ZNF473: variants seen among roughly 807,000 people sequenced by gnomAD.
ZNF473 encodes zinc finger protein 100 homolog.
A neutral mutation model predicts 11.1 loss-of-function variants in ZNF473; 4 were observed. The ratio of observed to expected loss-of-function variants is 0.36; its 90% CI spans 0.18 to 0.82. The LOEUF (loss-of-function observed/expected upper bound fraction) is 0.82. Ranked by LOEUF, ZNF473 falls within the 40% of genes least tolerant of loss-of-function variation. ZNF473 has a pLI of 0.49. For synonymous variants in ZNF473, 404 were observed against 390.4 expected, an observed-to-expected ratio of 1.03 and a Z score of -0.41; for missense variants, 854 against 1,084.0, an observed-to-expected ratio of 0.79 and a Z score of 2.98.
rs1379211662 is a variant in ZNF473, at chr19:50,045,896, A to G, written c.1453A>G (p.Lys485Glu). 4 of 1,614,034 alleles carry G rather than the reference A, an allele frequency of 2.5e-6. No homozygotes were observed. Residue 485 changes from lysine (K) to glutamate (E), a missense_variant, in exon 5 of 5, where the codon AAG becomes GAG. This residue lies in a region of ZNF473 where 668 missense variants were observed against 790.2 expected (regional missense o/e 0.85). Coordinates refer to ENST00000270617, the MANE Select transcript of ZNF473 (RefSeq NM_015428.4). ...ACATCAGGCCATTCACACCGCAGAA[A>G]AGCCCTATAGCTGTGCTGAATGCAA... Reference protein sequence around the residue: ...MRHQAIHTAEKPYSCAECKET... With the variant: ...MRHQAIHTAEEPYSCAECKET...
At chr19:50,040,363 T>C (rs1978700996) in intron 3 of ZNF473, among the ~76,000 whole-genome samples, 1 of 152,222 alleles carries the variant, frequency 6.6e-6, no homozygotes, top group Non-Finnish European at 1.5e-5. Context: ...GCCAGGGTTT[T>C]TACTGGGGGC....
In ZNF473 at chr19:50,039,346, T is replaced by G; in HGVS notation, c.136+59T>G. The G allele has an allele frequency of 6.2e-7, 1 of 1,602,092 alleles. No homozygotes were observed. The highest frequency in any genetic ancestry group is 8.5e-7 in the Non-Finnish European group (1 of 1,172,082). ...TGCCCTGCTTGGTGATCACCCATGC[T>G]CTCTACCACCCACAGGGTGAAGTCC... On this transcript the variant is annotated intron_variant, in intron 3 of 4. Transcript: ENST00000270617. This position sits in a 1 kb window ranked among gnomAD's most constrained non-coding sequence, Gnocchi z 4.8.
At chr19:50,033,336 A>G (rs1166008858) in intron 2 of ZNF473, among the ~76,000 whole-genome samples, 1 of 152,134 alleles carries the variant, frequency 6.6e-6, no homozygotes, top group Non-Finnish European at 1.5e-5. Flanking sequence ...TGGCTGGAGC[A>G]GAGTGGATGA....
intron 2 of ZNF473, among the ~76,000 whole-genome samples, chr19:50,038,185 AT>A (rs1396446501): frequency 5.1e-5 from 7 of 136,548 alleles, no homozygotes; most frequent in African/African-American, 2.3e-4. Flanking sequence ...AATTTTATAA[AT>A]TTATAAATTT....
chr19:50,045,221 A>G lies in ZNF473; in HGVS notation c.778A>G (p.Thr260Ala), dbSNP rs766925763. 19 of 1,614,070 alleles carry G rather than the reference A, an allele frequency of 1.2e-5. No homozygotes were observed. Among genetic ancestry groups the G allele is most frequent in the Non-Finnish European group, 1.6e-5 (19 of 1,180,050 alleles). The change falls in exon 5 of 5, where the codon ACG (threonine) becomes GCG (alanine). Residue 260 changes from threonine to alanine, a missense_variant. Physicochemically the swap from Thr to Ala is moderately conservative, Grantham distance 58. Transcript: ENST00000270617. ...CCTTTCTGTGTATCCGAAAACTCAC[A>G]CGGGCTACAAATTCTATGTGTGTAA... ...ASLSVYPKTH[T>A]GYKFYVCNEY...
In ZNF473 at chr19:50,039,300, T is replaced by C; in HGVS notation, c.136+13T>C. The C allele has an allele frequency of 6.2e-7, 1 of 1,613,748 alleles. No homozygotes were observed. The highest frequency in any genetic ancestry group is 8.5e-7 in the Non-Finnish European group (1 of 1,179,724). ...CTCTTCCTGCTGGGTGAGTGTTGCC[T>C]GTCCCCAGGGGCCTACTCACTGCCC... On this transcript the variant is annotated intron_variant, in intron 3 of 4. Coordinates refer to ENST00000270617, the MANE Select transcript of ZNF473 (RefSeq NM_015428.4). This position sits in a 1 kb window ranked among gnomAD's most constrained non-coding sequence, Gnocchi z 4.8.
At position 50,048,495 on chromosome 19, in the gene ZNF473, G is replaced by A. The variant is rs1979268952; in HGVS notation, c.*1436G>A. 6.6e-6 allele frequency: 1 copy of A among 152,176 alleles called. No homozygotes were observed. Among genetic ancestry groups the A allele is most frequent in the South Asian group, 2.1e-4 (1 of 4,826 alleles). The allele number at this position is 152,176 out of a possible 1,614,324, so 9.4% of individuals were successfully genotyped here. On this transcript the variant is annotated 3_prime_UTR_variant, in exon 5 of 5. Coordinates refer to ENST00000270617, the MANE Select transcript of ZNF473 (RefSeq NM_015428.4). ...TGGGAACCTGTTGGCTAACCATTGG[G>A]GCCTTACACTGTTTTTCAAATGGTT... is the stretch of plus-strand genomic sequence containing the variant.
chr19:50,038,273 T>G (rs1978580055), intron 2 of ZNF473, among the ~76,000 whole-genome samples: 1 of 150,540 alleles, frequency 6.6e-6, no homozygotes, highest in South Asian at 2.1e-4. Flanking sequence ...TAATAAACAC[T>G]TATTAACTAG....
At chr19:50,028,746 T>C (rs1254772423) in intron 1 of ZNF473, among the ~76,000 whole-genome samples, 1 of 152,174 alleles carries the variant, frequency 6.6e-6, no homozygotes, top group Non-Finnish European at 1.5e-5. Flanking sequence ...TTCCCAATTT[T>C]CAAGTTTGAG....
At chr19:50,035,824 G>A (rs1363390799) in intron 2 of ZNF473, among the ~76,000 whole-genome samples, 1 of 152,102 alleles carries the variant, frequency 6.6e-6, no homozygotes, top group Non-Finnish European at 1.5e-5. Context: ...AGTAGAACTA[G>A]AATTTGAACT....
intron 2 of ZNF473, among the ~76,000 whole-genome samples, chr19:50,031,485 G>C (rs531226924): frequency 1.6e-3 from 251 of 152,224 alleles, no homozygotes; most frequent in African/African-American, 5.5e-3. Flanking sequence ...CTTTGCTCAG[G>C]TTGGGCCCTC....
At chr19:50,042,010 C>T in intron 4 of ZNF473, 191 bp downstream of exon 4, 1 of 473,142 alleles carries the variant, frequency 2.1e-6, no homozygotes, top group Non-Finnish European at 3.8e-6. Flanking sequence ...TATAGACCCT[C>T]ACTCTGGGGT....
intron 4 of ZNF473, 27 bp downstream of exon 4, chr19:50,041,846 T>G (rs774017417): frequency 6.4e-6 from 10 of 1,574,688 alleles, no homozygotes; most frequent in Non-Finnish European, 8.6e-6. Context: ...GGGCCCCTTG[T>G]GTACCTTCTG....
chr19:50,038,182 TA>T (rs1457102569), intron 2 of ZNF473, among the ~76,000 whole-genome samples: 4 of 133,094 alleles, frequency 3.0e-5, no homozygotes, highest in African/African-American at 1.1e-4. Context: ...TATAATTTTA[TA>T]AATTTATAAA....
intron 1 of ZNF473, among the ~76,000 whole-genome samples, chr19:50,027,167 AC>A (rs750795515): frequency 6.6e-6 from 1 of 151,766 alleles, no homozygotes; most frequent in Non-Finnish European, 1.5e-5. Context: ...ATTAGGCAGC[AC>A]CCCCCCACAC....
chr19:50,041,080 GT>G (rs1568408528), intron 3 of ZNF473: 1 of 152,246 alleles, frequency 6.6e-6, no homozygotes, highest in Non-Finnish European at 1.5e-5. Context: ...CCAAATGCAT[GT>G]GGCTGGGCTG....
chr19:50,028,921 A>G (rs1000600709), intron 1 of ZNF473, among the ~76,000 whole-genome samples: 3 of 152,210 alleles, frequency 2.0e-5, no homozygotes, highest in African/African-American at 7.2e-5. Context: ...TAGGTCTACC[A>G]TATTCCCATA....
Position 50,039,214 on chromosome 19 carries a change from G to A in ZNF473, c.63G>A (p.Glu21=). Residue 21 remains glutamate (E), a synonymous_variant, in exon 3 of 5, where the codon GAG becomes GAA. Coordinates refer to ENST00000270617, the MANE Select transcript of ZNF473 (RefSeq NM_015428.4). The surrounding 1 kb of genome is among the most constrained non-coding windows in gnomAD (Gnocchi z 4.8). ...TGGACTTCACCTTGGGAGACTGGGA[G>A]CAGCTCGGGCTGGAACAGGGGGACA... The part of the protein sequence containing the change: ...VGMDFTLGDW[E]QLGLEQGDTF... 3 of 1,614,194 alleles carry A rather than the reference G, an allele frequency of 1.9e-6. No homozygotes were observed. The highest frequency in any genetic ancestry group is 2.2e-5 in the East Asian group (1 of 44,874).
chr19:50,030,797 T>G (rs2077313587), intron 1 of ZNF473, 95 bp from the exon 2 acceptor site: 1 of 516,024 alleles, frequency 1.9e-6, no homozygotes, highest in South Asian at 2.1e-5. Flanking sequence ...AACCCACCAT[T>G]GTTGGTGGCG....
Sources: gnomAD v4.1 joint callset for allele counts (sites outside exome capture counted in the v4.1 genomes callset) on GRCh38, gnomAD v4.1.1 for gene constraint, gnomAD v4.1.1 regional missense constraint, Gnocchi (gnomAD v3.1) non-coding constraint, MANE v1.5 for transcripts, NCBI Gene and HGNC (gene_info 2026-07-23, HGNC 2026-07-21) for gene names.